The following SNX25 variants were observed in gnomAD, a reference collection of about 807,000 sequenced individuals.
The protein encoded by SNX25 is sorting nexin 25.
In SNX25, 62 loss-of-function variants were observed where a neutral mutation model predicts 113.7. The ratio of observed to expected loss-of-function variants is 0.55; its 90% CI spans 0.44 to 0.67. The LOEUF (loss-of-function observed/expected upper bound fraction) is 0.67, where lower values mean the gene tolerates loss of function less well. Among genes scored for constraint, SNX25 ranks in the 30% least tolerant of loss-of-function variants. The pLI is 0.00. For synonymous variants in SNX25, 421 were observed against 436.2 expected (o/e 0.97, Z 0.43); for missense variants, 1,014 against 1,161.0 (o/e 0.87, Z 1.84).
intron 5 of SNX25, among the ~76,000 whole-genome samples, chr4:185,269,754 T>G (rs1041219165): frequency 6.6e-6 from 1 of 152,144 alleles, no homozygotes; most frequent in African/African-American, 2.4e-5. Flanking sequence ...TGTTGTTGTT[T>G]TTTAAGAGAC....
intron 1 of SNX25, among the ~76,000 whole-genome samples, chr4:185,214,579 A>C (rs1399170810): frequency 6.6e-6 from 1 of 152,124 alleles, no homozygotes; most frequent in South Asian, 2.1e-4. Context: ...TACCTTAAAA[A>C]AATAAAAATA....
At chr4:185,321,013 G>A in intron 8 of SNX25, 149 bp downstream of exon 8, 3 of 608,978 alleles carry the variant, frequency 4.9e-6, no homozygotes, top group African/African-American at 1.9e-5. Context: ...GCCCATAATG[G>A]CAAATAAAAT....
At chr4:185,366,369 C>A (rs1198106253), downstream of SNX25, 2 of 152,138 alleles carry the variant, frequency 1.3e-5, no homozygotes, top group Admixed American at 6.5e-5. Context: ...ACTTTTCTTA[C>A]GAATATTTTC....
At chr4:185,252,359 A>C (rs1745791230) in intron 2 of SNX25, among the ~76,000 whole-genome samples, 1 of 152,168 alleles carries the variant, frequency 6.6e-6, no homozygotes, top group African/African-American at 2.4e-5. Context: ...ATTTAATTGG[A>C]ATTCAGAATG....
chr4:185,221,367 G>T (rs893933762), intron 1 of SNX25, among the ~76,000 whole-genome samples: 7 of 151,902 alleles, frequency 4.6e-5, no homozygotes, highest in African/African-American at 1.5e-4. Context: ...TAGAGATGGA[G>T]TCTCTCTGTG....
intron 2 of SNX25, among the ~76,000 whole-genome samples, chr4:185,252,339 G>C (rs191809432): frequency 1.3e-5 from 2 of 152,020 alleles, no homozygotes; most frequent in Non-Finnish European, 1.5e-5. Context: ...TCTAAACCCG[G>C]CACCAATATA....
chr4:185,309,973 C>T (rs779677793), intron 6 of SNX25, among the ~76,000 whole-genome samples: 39 of 152,204 alleles, frequency 2.6e-4, no homozygotes, highest in African/African-American at 5.5e-4. Context: ...CCTGCTCTAA[C>T]GGCCTTCTTT....
intron 12 of SNX25, among the ~76,000 whole-genome samples, chr4:185,342,980 T>C (rs2095267766): frequency 6.6e-6 from 1 of 152,214 alleles, no homozygotes; most frequent in Non-Finnish European, 1.5e-5. Flanking sequence ...AACCTCCGCC[T>C]CCCAGGTTCA....
intron 6 of SNX25, among the ~76,000 whole-genome samples, chr4:185,288,934 T>C (rs1021501016): frequency 1.1e-4 from 16 of 152,096 alleles, no homozygotes; most frequent in African/African-American, 3.6e-4. Context: ...GGGAGTAGAG[T>C]GCTAAAAGAA....
At chr4:185,311,815 C>T (rs896713804) in intron 7 of SNX25, among the ~76,000 whole-genome samples, 6 of 152,190 alleles carry the variant, frequency 3.9e-5, no homozygotes, top group African/African-American at 9.7e-5. Context: ...TCTGTTAGAG[C>T]CTCTGCAGGA....
At chr4:185,373,082 A>G (rs1251951407), downstream of SNX25, 1 of 1,603,272 alleles carries the variant, frequency 6.2e-7, no homozygotes, top group East Asian at 2.2e-5. Context: ...TAAAATGCCT[A>G]AGAAAAGCAC....
upstream of SNX25, chr4:185,207,670 G>A (rs1303607768): frequency 2.6e-5 from 4 of 152,190 alleles, no homozygotes; most frequent in Non-Finnish European, 4.4e-5. Flanking sequence ...TGGACCACAT[G>A]GAGTAACAAC....
chr4:185,361,230 T>C (rs570992569), intron 16 of SNX25, among the ~76,000 whole-genome samples: 1 of 152,296 alleles, frequency 6.6e-6, no homozygotes, highest in Non-Finnish European at 1.5e-5. Flanking sequence ...CCTGCGGAAC[T>C]TCAGGACCTC....
chr4:185,310,541 G>C (rs1163629043), intron 6 of SNX25, 94 bp from the exon 7 acceptor site: 2 of 1,103,348 alleles, frequency 1.8e-6, no homozygotes, highest in African/African-American at 1.6e-5. Context: ...ACTTGGTTCA[G>C]AATGCCCACA....
chr4:185,308,663 CT>C (rs1754824866), intron 6 of SNX25, among the ~76,000 whole-genome samples: 1 of 152,162 alleles, frequency 6.6e-6, no homozygotes, highest in Non-Finnish European at 1.5e-5. Context: ...GTTGTAGGTG[CT>C]GGGGATATAG....
chr4:185,209,757 T>A lies in SNX25; in HGVS notation c.-70T>A. On this transcript the variant is annotated 5_prime_UTR_variant, in exon 1 of 19. Transcript: ENST00000652585. The surrounding 1 kb of genome is among the most constrained non-coding windows in gnomAD (Gnocchi z 5.2). ...GCGAGGCATGAGCGCGGGCTCCCCC[T>A]GCCTCCGGAGCGCCGGCGGGGGACC... The A allele has an allele frequency of 1.0e-6, 1 of 983,922 alleles. No individual in the cohort carries two copies. Among genetic ancestry groups the A allele is most frequent in the Non-Finnish European group, 1.2e-6 (1 of 829,384 alleles). 60.9% of individuals were successfully genotyped at this position (983,922 alleles called of 1,614,324 possible).
At chr4:185,219,584 A>AAAAAGAG (rs1203729949) in intron 1 of SNX25, among the ~76,000 whole-genome samples, 3 of 152,098 alleles carry the variant, frequency 2.0e-5, no homozygotes, top group Non-Finnish European at 4.4e-5. Context: ...AGAAAAAAGA[A>AAAAAGAG]AAAATGTTTT....
At chr4:185,276,582 A>G (rs1271053046) in intron 5 of SNX25, among the ~76,000 whole-genome samples, 2 of 152,202 alleles carry the variant, frequency 1.3e-5, no homozygotes, top group African/African-American at 4.8e-5. Context: ...GCCAGGTGTC[A>G]TGGCACACTT....
At chr4:185,374,108 C>T (rs2095425234), downstream of SNX25, 1 of 1,557,842 alleles carries the variant, frequency 6.4e-7, no homozygotes, top group African/African-American at 1.4e-5. Flanking sequence ...AAATATAACA[C>T]TAGCATTAAA....
Sources: allele counts gnomAD v4.1 joint callset (sites outside exome capture counted in the v4.1 genomes callset), GRCh38; gene constraint gnomAD v4.1.1; non-coding constraint Gnocchi (gnomAD v3.1); transcripts MANE v1.5; gene names NCBI Gene and HGNC (gene_info 2026-07-23, HGNC 2026-07-21).